The following MORC1 variants were observed in gnomAD, a reference collection of about 807,000 sequenced individuals.
The protein encoded by MORC1 is MORC family CW-type zinc finger 1, also known as MORC family CW-type zinc finger protein 1.
A neutral mutation model predicts 134.9 loss-of-function variants in MORC1; 59 were observed. The observed-to-expected ratio is 0.44, with a 90% CI of 0.35 to 0.54. The LOEUF (loss-of-function observed/expected upper bound fraction) is 0.54, where lower values mean the gene tolerates loss of function less well. MORC1 is among the 20% of genes least tolerant of loss of function. The probability of loss-of-function intolerance (pLI) is 0.00; values close to 1 mark genes in which losing one functional copy is unlikely to be tolerated. For synonymous variants in MORC1, 395 were observed against 391.7 expected (o/e 1.01, Z -0.10); for missense variants, 947 against 1,134.5 (o/e 0.83, Z 2.37).
chr3:108,992,829 C>A (rs1468856010), intron 21 of MORC1, among the ~76,000 whole-genome samples: 1 of 152,186 alleles, frequency 6.6e-6, no homozygotes, highest in Non-Finnish European at 1.5e-5. Context: ...ACTCTTTAAG[C>A]TCTCTTTTTC....
intron 8 of MORC1, among the ~76,000 whole-genome samples, chr3:109,081,660 G>T (rs1011404247): frequency 4.6e-5 from 7 of 151,980 alleles, no homozygotes; most frequent in Non-Finnish European, 8.8e-5. Flanking sequence ...TCAGTATGTT[G>T]GCCAGGCTGG....
At position 109,093,518 on chromosome 3, in the gene MORC1, A is replaced by G; in HGVS notation, c.607T>C (p.Leu203=). The G allele has an allele frequency of 6.2e-7, 1 of 1,613,604 alleles. No homozygotes were observed. The highest frequency in any genetic ancestry group is 8.5e-7 in the Non-Finnish European group (1 of 1,179,578). Residue 203 remains leucine (L), a synonymous_variant, in exon 8 of 28, where the codon TTG becomes CTG. Transcript: ENST00000232603. ...KCGTLLVIYN[L]KLLLNGEPEL... ...GGTTCTCCATTAAGCAGAAGCTTCA[A>G]GTTATAAATAACCAGCAAAGTACCT...
intron 8 of MORC1, among the ~76,000 whole-genome samples, chr3:109,076,414 T>C (rs889009929): frequency 6.6e-6 from 1 of 152,160 alleles, no homozygotes; most frequent in Non-Finnish European, 1.5e-5. Flanking sequence ...TGGAAGACAG[T>C]GTGGCAATTC....
At chr3:109,014,181 C>T (rs1948762643) in intron 17 of MORC1, among the ~76,000 whole-genome samples, 1 of 152,116 alleles carries the variant, frequency 6.6e-6, no homozygotes, top group South Asian at 2.1e-4. Context: ...TCTATATAGC[C>T]ATATTTATAC....
chr3:109,082,037 G>A (rs1346492310), intron 8 of MORC1, among the ~76,000 whole-genome samples: 1 of 152,016 alleles, frequency 6.6e-6, no homozygotes, highest in African/African-American at 2.4e-5. Flanking sequence ...AAATCAAGTG[G>A]CCGTTCAGCA....
chr3:109,072,934 AACACAC>A (rs58749136), intron 8 of MORC1, among the ~76,000 whole-genome samples: 7,059 of 144,716 alleles, frequency 0.049, 214 homozygotes, highest in South Asian at 0.12. Flanking sequence ...AATCTCCCTC[AACACAC>A]ACACACACAC....
chr3:109,006,632 C>T (rs990758208), intron 18 of MORC1, among the ~76,000 whole-genome samples: 7 of 152,026 alleles, frequency 4.6e-5, no homozygotes, highest in Admixed American at 2.0e-4. Context: ...TAAGAACAGA[C>T]ATTTGAGGAA....
chr3:109,021,665 C>G (rs1466883637), intron 17 of MORC1, among the ~76,000 whole-genome samples: 1 of 152,208 alleles, frequency 6.6e-6, no homozygotes, highest in African/African-American at 2.4e-5. Context: ...CTGCACCATG[C>G]TATGCCACAA....
rs771485146 is a variant in MORC1, at chr3:109,005,232, G to C, written c.1851C>G (p.Ser617Arg). The change falls in exon 19 of 28, where the codon AGC becomes AGG. Residue 617 changes from serine to arginine, a missense_variant. By Grantham distance (110) the Ser-to-Arg change is moderately radical (BLOSUM62 -1). This residue lies in a region of MORC1 where 722 missense variants were observed against 817.0 expected (regional missense o/e 0.88). Transcript: ENST00000232603. ...ESLSSFELSA[S>R]RRGQKRNIEE... The stretch of plus-strand genomic sequence containing the variant: ...CTATGTTTCTTTTCTGTCCTCTACG[G>C]CTCGCTGAAAGCTCAAAGGATGAAA... 2 of 1,613,658 alleles carry C rather than the reference G, an allele frequency of 1.2e-6. No homozygotes were observed. The highest frequency in any genetic ancestry group is 2.2e-5 in the South Asian group (2 of 91,036).
chr3:109,085,540 A>T (rs527860562), intron 8 of MORC1, among the ~76,000 whole-genome samples: 1 of 152,282 alleles, frequency 6.6e-6, no homozygotes, highest in African/African-American at 2.4e-5. Flanking sequence ...ACAGAAATGT[A>T]AACCAAAACC....
chr3:108,968,202 C>A (rs1163380714), intron 26 of MORC1, among the ~76,000 whole-genome samples: 1 of 152,190 alleles, frequency 6.6e-6, no homozygotes, highest in Non-Finnish European at 1.5e-5. Flanking sequence ...AGTAACTCTT[C>A]AAACTGAAAA....
Position 109,000,642 on chromosome 3 carries a change from A to G in MORC1, c.2102T>C (p.Met701Thr). Residue 701 changes from methionine to threonine, a missense_variant, in exon 21 of 28, where the codon ATG becomes ACG. Coordinates refer to ENST00000232603, the MANE Select transcript of MORC1 (RefSeq NM_014429.4). The stretch of plus-strand genomic sequence containing the variant: ...AAAGTTCAGACTCTGCTTCCTTTTC[A>G]TTTCCCAAGAAGCGGCCTATAACAA... Reference protein sequence around the residue: ...LKNAQAASWEMKRKQSLNFVE... With the variant: ...LKNAQAASWETKRKQSLNFVE... 1.2e-6 allele frequency: 2 copies of G among 1,609,766 alleles called. No homozygotes were observed. Among genetic ancestry groups the G allele is most frequent in the South Asian group, 1.1e-5 (1 of 90,320 alleles).
chr3:109,022,046 A>G (rs369781836), intron 17 of MORC1, among the ~76,000 whole-genome samples: 1 of 152,224 alleles, frequency 6.6e-6, no homozygotes, highest in Non-Finnish European at 1.5e-5. Flanking sequence ...GAAAAGCAAT[A>G]CATCACCATA....
intron 23 of MORC1, among the ~76,000 whole-genome samples, chr3:108,983,923 TG>T (rs968788685): frequency 2.0e-5 from 3 of 152,016 alleles, no homozygotes; most frequent in Non-Finnish European, 4.4e-5. Context: ...GGAAGCAAAG[TG>T]GGGGCTAAAA....
chr3:109,000,709 G>A (rs374090859), intron 20 of MORC1, 51 bp from the exon 21 acceptor site: 3 of 1,343,170 alleles, frequency 2.2e-6, no homozygotes, highest in South Asian at 1.2e-5. Context: ...GCAATCAATG[G>A]TACATACTAA....
chr3:108,963,884 T>A (rs1947149194), intron 26 of MORC1, among the ~76,000 whole-genome samples: 1 of 152,232 alleles, frequency 6.6e-6, no homozygotes, highest in Non-Finnish European at 1.5e-5. Context: ...TGGTCTGGAA[T>A]GAAGAAGAAA....
chr3:109,044,907 T>G (rs2107645213), intron 14 of MORC1, among the ~76,000 whole-genome samples: 1 of 144,692 alleles, frequency 6.9e-6, no homozygotes, highest in East Asian at 2.0e-4. Context: ...ATCATGCCAC[T>G]GCACTCCAGC....
At chr3:109,023,208 G>A (rs191829841) in intron 17 of MORC1, among the ~76,000 whole-genome samples, 21 of 152,312 alleles carry the variant, frequency 1.4e-4, no homozygotes, top group African/African-American at 4.3e-4. Context: ...ACAAACAAAG[G>A]CCTGCAGAGC....
At chr3:109,117,648 G>A (rs60155767) in intron 1 of MORC1, among the ~76,000 whole-genome samples, 1,568 of 152,250 alleles carry the variant, frequency 0.01, 29 homozygotes, top group African/African-American at 0.035. Flanking sequence ...CTGTTTGAAG[G>A]GCAACTTTAA....
Sources: gnomAD v4.1 joint callset for allele counts (sites outside exome capture counted in the v4.1 genomes callset) on GRCh38, gnomAD v4.1.1 for gene constraint, gnomAD v4.1.1 regional missense constraint, MANE v1.5 for transcripts, NCBI Gene and HGNC (gene_info 2026-07-23, HGNC 2026-07-21) for gene names.